The following PARD3 variants were observed in gnomAD, a reference collection of about 807,000 sequenced individuals.
PARD3 encodes the protein partitioning defective 3 homolog.
In PARD3, 75 loss-of-function variants were observed where a neutral mutation model predicts 155.4. The ratio of observed to expected loss-of-function variants is 0.48; its 90% confidence interval spans 0.40 to 0.58. The LOEUF (loss-of-function observed/expected upper bound fraction) is 0.58. Ranked by LOEUF, PARD3 falls within the 20% of genes least tolerant of loss-of-function variation. The pLI, the probability that PARD3 is intolerant of heterozygous loss-of-function variation, is 0.00. For missense variants in PARD3, 1,642 were observed against 1,721.7 expected, an observed-to-expected ratio of 0.95 and a Z score of 0.82; for synonymous variants, 576 against 610.5, an observed-to-expected ratio of 0.94 and a Z score of 0.83.
At chr10:34,455,123 T>C (rs777361000) in intron 4 of PARD3, among the ~76,000 whole-genome samples, 2 of 152,200 alleles carry the variant, frequency 1.3e-5, no homozygotes, top group Non-Finnish European at 2.9e-5. Context: ...TGGGGTTTCA[T>C]AAGCATTATA....
intron 20 of PARD3, among the ~76,000 whole-genome samples, chr10:34,306,422 CA>C (rs999231442): frequency 1.1e-4 from 16 of 152,208 alleles, no homozygotes; most frequent in African/African-American, 3.9e-4. Context: ...GAGGCCAAGG[CA>C]GGGGGATCAC....
At chr10:34,524,402 T>A (rs1260371845) in intron 2 of PARD3, among the ~76,000 whole-genome samples, 1 of 152,232 alleles carries the variant, frequency 6.6e-6, no homozygotes, top group Non-Finnish European at 1.5e-5. Context: ...GATATTCACC[T>A]ATGATACTCC....
Position 34,592,288 on chromosome 10 carries a change from T to G in PARD3, c.223-75129A>C, listed in dbSNP as rs1448443199. ...AAATTCTATGAGAACAGGTGAAACC[T>G]CCCTACTTTAAATCACCTGGGACAC... On this transcript the variant is annotated intron_variant, in intron 2 of 24. Coordinates refer to ENST00000374788, the MANE Select transcript of PARD3 (RefSeq NM_001184785.2). 2.6e-5 allele frequency among the ~76,000 whole-genome samples: 4 copies of G among 152,304 alleles called. 1 individual carries two copies. The South Asian group carries it at 8.3e-4, about 32-fold the overall frequency.
At chr10:34,374,619 G>A (rs1452911300) in intron 11 of PARD3, among the ~76,000 whole-genome samples, 1 of 152,156 alleles carries the variant, frequency 6.6e-6, no homozygotes, top group Non-Finnish European at 1.5e-5. Context: ...GTACAGTGAT[G>A]AACATTTGAT....
intron 2 of PARD3, among the ~76,000 whole-genome samples, chr10:34,636,588 G>A (rs767666813): frequency 1.3e-5 from 2 of 152,232 alleles, no homozygotes; most frequent in Non-Finnish European, 2.9e-5. Flanking sequence ...CTCACGAAGA[G>A]TCAAAGTAAC....
At chr10:34,325,500 T>C (rs964559875) in intron 19 of PARD3, among the ~76,000 whole-genome samples, 3 of 152,106 alleles carry the variant, frequency 2.0e-5, no homozygotes, top group African/African-American at 7.2e-5. Flanking sequence ...TCCTCCCTAA[T>C]TCCACATCAG....
intron 2 of PARD3, among the ~76,000 whole-genome samples, chr10:34,684,964 C>A (rs2093930241): frequency 6.6e-6 from 1 of 151,642 alleles, no homozygotes; most frequent in Non-Finnish European, 1.5e-5. Context: ...GCTTAGTAAA[C>A]TGAATTACCT....
intron 1 of PARD3, among the ~76,000 whole-genome samples, chr10:34,707,533 T>C (rs921498103): frequency 1.3e-5 from 2 of 152,146 alleles, no homozygotes; most frequent in African/African-American, 2.4e-5. Flanking sequence ...TGAGAACCAG[T>C]GATTCAGAAT....
rs1564547462 is a variant in PARD3 at position 34,284,253 on chromosome 10, T to C, written c.3066-8A>G. On this transcript the variant is annotated splice_region_variant and splice_polypyrimidine_tract_variant and intron_variant, in intron 20 of 24. Transcript: ENST00000374788. ...TTTCGATGTTTGCCAAACCTGTTAATAACAAAAAATTCTAACTTGTCAATA... is the reference window on the plus strand; with the variant it reads ...TTTCGATGTTTGCCAAACCTGTTAACAACAAAAAATTCTAACTTGTCAATA... 2 of 1,541,250 alleles carry C rather than the reference T, an allele frequency of 1.3e-6. No homozygotes were observed. The highest frequency in any genetic ancestry group is 2.3e-5 in the East Asian group (1 of 44,274).
intron 5 of PARD3, among the ~76,000 whole-genome samples, chr10:34,412,083 C>T (rs1175129659): frequency 6.6e-6 from 1 of 151,986 alleles, no homozygotes; most frequent in Non-Finnish European, 1.5e-5. Flanking sequence ...CTGCCTCAGC[C>T]TCCTGAGTGG....
chr10:34,603,160 G>T (rs913283031), intron 2 of PARD3, among the ~76,000 whole-genome samples: 14 of 152,120 alleles, frequency 9.2e-5, no homozygotes, highest in African/African-American at 2.9e-4. Context: ...AATAAATGTG[G>T]TGCTTAGAAA....
chr10:34,783,737 G>A (rs535759469), intron 1 of PARD3, among the ~76,000 whole-genome samples: 9 of 150,750 alleles, frequency 6.0e-5, no homozygotes, highest in Non-Finnish European at 1.3e-4. Context: ...AAAAAAGGGA[G>A]AACAACCCAT....
intron 2 of PARD3, among the ~76,000 whole-genome samples, chr10:34,576,679 G>C: frequency 6.6e-6 from 1 of 152,014 alleles, no homozygotes; most frequent in Non-Finnish European, 1.5e-5. Context: ...GAATTTACTG[G>C]GAACTAAAGA....
chr10:34,159,061 A>AT (rs1949147732), intron 22 of PARD3, among the ~76,000 whole-genome samples: 1 of 152,238 alleles, frequency 6.6e-6, no homozygotes, highest in Non-Finnish European at 1.5e-5. Context: ...AACCACAGAG[A>AT]TTCAACTATG....
chr10:34,629,094 A>T (rs1744053844), intron 2 of PARD3, among the ~76,000 whole-genome samples: 1 of 152,206 alleles, frequency 6.6e-6, no homozygotes, highest in African/African-American at 2.4e-5. Flanking sequence ...TTATGAGGTG[A>T]GAATAATGTA....
At chr10:34,741,044 T>C (rs549377739) in intron 1 of PARD3, among the ~76,000 whole-genome samples, 2 of 152,288 alleles carry the variant, frequency 1.3e-5, no homozygotes, top group African/African-American at 4.8e-5. Flanking sequence ...TAATTGGAAC[T>C]GGCCTATTTG....
At chr10:34,380,074 C>G (rs910538969) in intron 9 of PARD3, among the ~76,000 whole-genome samples, 3 of 151,990 alleles carry the variant, frequency 2.0e-5, no homozygotes, top group Admixed American at 2.0e-4. Context: ...AATGTAATAA[C>G]TTGTAAGAAA....
intron 2 of PARD3, among the ~76,000 whole-genome samples, chr10:34,521,081 T>C (rs1392301749): frequency 1.3e-5 from 2 of 152,180 alleles, no homozygotes; most frequent in Non-Finnish European, 2.9e-5. Flanking sequence ...TTCTGCAAAC[T>C]GAAAATGGAG....
At chr10:34,791,035 T>G (rs545790007) in intron 1 of PARD3, among the ~76,000 whole-genome samples, 1 of 152,260 alleles carries the variant, frequency 6.6e-6, no homozygotes, top group Non-Finnish European at 1.5e-5. Context: ...AATAACTCAC[T>G]TGGAAAAAAA....
Sources: gnomAD v4.1 joint callset for allele counts (sites outside exome capture counted in the v4.1 genomes callset) on GRCh38, gnomAD v4.1.1 for gene constraint, MANE v1.5 for transcripts, NCBI Gene and HGNC (gene_info 2026-07-23, HGNC 2026-07-21) for gene names.